SLC2A13: variants seen among roughly 807,000 people sequenced by gnomAD.
SLC2A13 encodes the protein proton myo-inositol cotransporter.
SLC2A13 carries 32 observed loss-of-function variants against 64.4 expected under a neutral mutation model. That is an observed-to-expected ratio of 0.50 (90% CI 0.37 to 0.67). The LOEUF is 0.67. SLC2A13 is among the 30% of genes least tolerant of loss of function. The pLI is 0.00. For synonymous variants in SLC2A13, 338 were observed against 327.1 expected, an observed-to-expected ratio of 1.03 and a Z score of -0.36; for missense variants, 743 against 829.2, an observed-to-expected ratio of 0.90 and a Z score of 1.28.
intron 3 of SLC2A13, among the ~76,000 whole-genome samples, chr12:39,952,444 G>GA (rs1023015606): frequency 2.0e-5 from 3 of 152,112 alleles, no homozygotes; most frequent in African/African-American, 7.2e-5. Context: ...AGGATCTTTT[G>GA]AAAATCTAAT....
intron 1 of SLC2A13, among the ~76,000 whole-genome samples, chr12:40,074,110 C>T (rs533152003): frequency 6.6e-6 from 1 of 151,674 alleles, no homozygotes; most frequent in South Asian, 2.1e-4. Context: ...AAAACATCCT[C>T]AAGCTTGGAC....
chr12:40,078,012 A>G (rs1330698728), intron 1 of SLC2A13, among the ~76,000 whole-genome samples: 2 of 152,152 alleles, frequency 1.3e-5, no homozygotes, highest in Admixed American at 6.6e-5. Flanking sequence ...GTATCCTAAA[A>G]CTTTGCTGAA....
intron 7 of SLC2A13, among the ~76,000 whole-genome samples, chr12:39,809,528 TAA>T (rs1425052948): frequency 6.6e-6 from 1 of 152,196 alleles, no homozygotes; most frequent in Non-Finnish European, 1.5e-5. Context: ...TATTATACTT[TAA>T]GTTTTAGGGT....
intron 7 of SLC2A13, among the ~76,000 whole-genome samples, chr12:39,771,162 C>T (rs1940555934): frequency 6.6e-6 from 1 of 152,176 alleles, no homozygotes; most frequent in East Asian, 1.9e-4. Context: ...CATCACCTGC[C>T]TCTGCCTCTG....
Position 40,063,819 on chromosome 12 carries a change from T to C in SLC2A13, c.557-15609A>G, listed in dbSNP as rs17458230. ...AGAAAAATGTTGACTATAATCTCAT[T>C]AACTATTTTTTACTTTTTAAAAAAA... On this transcript the variant is annotated intron_variant, in intron 1 of 9. Transcript: ENST00000280871. Among the ~76,000 whole-genome samples, 414 of 152,308 alleles carry C rather than the reference T, an allele frequency of 2.7e-3. 2 individuals are homozygous for C. Among genetic ancestry groups the C allele is most frequent in the Admixed American group, 4.7e-3 (72 of 15,300 alleles).
At chr12:39,947,201 A>G (rs888016173) in intron 4 of SLC2A13, among the ~76,000 whole-genome samples, 2 of 152,200 alleles carry the variant, frequency 1.3e-5, no homozygotes, top group Non-Finnish European at 2.9e-5. Flanking sequence ...TAAAAGACCA[A>G]ATGCCCCAGA....
chr12:39,985,878 G>A (rs1469651778), intron 3 of SLC2A13, among the ~76,000 whole-genome samples: 1 of 152,038 alleles, frequency 6.6e-6, no homozygotes, highest in African/African-American at 2.4e-5. Context: ...TAAAGAATTT[G>A]TCTTAGTCCA....
intron 6 of SLC2A13, among the ~76,000 whole-genome samples, chr12:39,858,216 T>C (rs886679367): frequency 2.0e-5 from 3 of 152,228 alleles, no homozygotes; most frequent in Non-Finnish European, 4.4e-5. Flanking sequence ...TGCAGTTATT[T>C]GGCAATAAGG....
intron 6 of SLC2A13, among the ~76,000 whole-genome samples, chr12:39,842,464 T>C (rs1428212539): frequency 6.6e-6 from 1 of 152,044 alleles, no homozygotes; most frequent in African/African-American, 2.4e-5. Flanking sequence ...ATCAGCATAG[T>C]GACTAACATG....
At chr12:39,940,641 C>T (rs1280478277) in intron 4 of SLC2A13, among the ~76,000 whole-genome samples, 2 of 149,764 alleles carry the variant, frequency 1.3e-5, no homozygotes, top group African/African-American at 4.9e-5. Context: ...CTTGAGATGG[C>T]TGTGATTTTT....
intron 7 of SLC2A13, among the ~76,000 whole-genome samples, chr12:39,784,828 T>A (rs1054462967): frequency 1.3e-5 from 2 of 152,192 alleles, no homozygotes; most frequent in Non-Finnish European, 2.9e-5. Context: ...ACTCTTGTTA[T>A]GTTTTAGCAA....
chr12:39,772,390 A>G (rs1475505589), intron 7 of SLC2A13, among the ~76,000 whole-genome samples: 1 of 152,184 alleles, frequency 6.6e-6, no homozygotes, highest in Non-Finnish European at 1.5e-5. Context: ...GGGCTTGCCA[A>G]AAGAATAATC....
intron 3 of SLC2A13, among the ~76,000 whole-genome samples, chr12:39,953,533 AC>A (rs146244308): frequency 1.0e-3 from 154 of 152,332 alleles, no homozygotes; most frequent in African/African-American, 3.6e-3. Flanking sequence ...AAAATCAAGT[AC>A]ATTAATTGGC....
intron 3 of SLC2A13, among the ~76,000 whole-genome samples, chr12:39,997,297 T>C (rs937000059): frequency 6.6e-6 from 1 of 152,098 alleles, no homozygotes; most frequent in African/African-American, 2.4e-5. Context: ...AGGACACCAT[T>C]TTCAACAAAT....
chr12:40,013,088 T>C (rs1415676440), intron 3 of SLC2A13, among the ~76,000 whole-genome samples: 6 of 152,088 alleles, frequency 3.9e-5, no homozygotes, highest in African/African-American at 1.2e-4. Context: ...TTTTAGTTTC[T>C]ATAGTCAAAA....
rs114538101 is a variant in SLC2A13 at position 40,031,170 on chromosome 12, A to C, written c.717-2661T>G. Among the ~76,000 whole-genome samples, 1,154 of 152,310 alleles carry C rather than the reference A, an allele frequency of 7.6e-3. 14 individuals carry two copies. The highest frequency in any genetic ancestry group is 0.026 in the African/African-American group (1,092 of 41,566). ...CAGGAATGGATGTGGGTGTCACTTC[A>C]GCTCCGGGCATACAAACCACAAGAA... On this transcript the variant is annotated intron_variant, in intron 2 of 9. Coordinates refer to ENST00000280871, the MANE Select transcript of SLC2A13 (RefSeq NM_052885.4).
At chr12:39,909,136 T>G in intron 4 of SLC2A13, among the ~76,000 whole-genome samples, 1 of 152,028 alleles carries the variant, frequency 6.6e-6, no homozygotes, top group East Asian at 1.9e-4. Flanking sequence ...GTTGAAAAAA[T>G]GAATATTTTG....
intron 3 of SLC2A13, among the ~76,000 whole-genome samples, chr12:40,024,469 T>C (rs1947772298): frequency 1.3e-5 from 2 of 152,242 alleles, no homozygotes; most frequent in Non-Finnish European, 2.9e-5. Flanking sequence ...CAGTTCTCTG[T>C]ATTGCTGATT....
At chr12:39,818,779 T>C in intron 7 of SLC2A13, among the ~76,000 whole-genome samples, 1 of 152,132 alleles carries the variant, frequency 6.6e-6, no homozygotes, top group East Asian at 1.9e-4. Context: ...CAATAACAAC[T>C]ACAGTTTGAA....
Sources: gnomAD v4.1 joint callset for allele counts (sites outside exome capture counted in the v4.1 genomes callset) on GRCh38, gnomAD v4.1.1 for gene constraint, MANE v1.5 for transcripts, NCBI Gene and HGNC (gene_info 2026-07-23, HGNC 2026-07-21) for gene names.